Variants in ADARB2 observed in about 807,000 individuals in gnomAD.
ADARB2 encodes inactive double-stranded RNA-specific editase B2.
ADARB2 carries 25 observed loss-of-function variants against 62.2 expected under a neutral mutation model. The observed-to-expected ratio is 0.40, with a 90% confidence interval of 0.29 to 0.56. The LOEUF (loss-of-function observed/expected upper bound fraction) is 0.56, where lower values mean the gene tolerates loss of function less well. Ranked by LOEUF, ADARB2 falls within the 20% of genes least tolerant of loss-of-function variation. The pLI is 0.43. For synonymous variants in ADARB2, 572 were observed against 500.8 expected (o/e 1.14, Z -1.90); for missense variants, 1,071 against 1,077.4 (o/e 0.99, Z 0.08).
At chr10:1,374,520 G>C (rs1430253482) in intron 2 of ADARB2, among the ~76,000 whole-genome samples, 1 of 152,222 alleles carries the variant, frequency 6.6e-6, no homozygotes, top group Non-Finnish European at 1.5e-5. Flanking sequence ...AGTGGAAGCT[G>C]TTCCGGTTGT....
At chr10:1,666,214 C>G (rs1262332931) in intron 1 of ADARB2, among the ~76,000 whole-genome samples, 2 of 152,226 alleles carry the variant, frequency 1.3e-5, no homozygotes, top group African/African-American at 4.8e-5. Context: ...CCCGCTGGAG[C>G]AAGTGCCAGG....
At chr10:1,250,800 A>G (rs1351109465) in intron 4 of ADARB2, among the ~76,000 whole-genome samples, 3 of 152,224 alleles carry the variant, frequency 2.0e-5, no homozygotes, top group African/African-American at 7.2e-5. Context: ...AAAATTCTGA[A>G]AAAGAAGGCT....
intron 8 of ADARB2, chr10:1,187,862 A>T: frequency 2.3e-6 from 1 of 434,466 alleles, no homozygotes; most frequent in Non-Finnish European, 4.7e-6. Flanking sequence ...GTGTGGTCCC[A>T]TGTGTCCATA....
chr10:1,688,138 C>A (rs1834619258), intron 1 of ADARB2, among the ~76,000 whole-genome samples: 1 of 152,246 alleles, frequency 6.6e-6, no homozygotes, highest in South Asian at 2.1e-4. Context: ...AGTCACTGTG[C>A]TGATTCGTAT....
chr10:1,666,788 A>G (rs1486793991), intron 1 of ADARB2, among the ~76,000 whole-genome samples: 1 of 152,172 alleles, frequency 6.6e-6, no homozygotes, highest in Non-Finnish European at 1.5e-5. Context: ...AAAGACTCTG[A>G]GACTCGAGAT....
At chr10:1,487,458 G>T (rs1278389837) in intron 1 of ADARB2, among the ~76,000 whole-genome samples, 1 of 152,222 alleles carries the variant, frequency 6.6e-6, no homozygotes, top group African/African-American at 2.4e-5. Flanking sequence ...GGAGGTGCCT[G>T]CTGCTGAGTG....
At chr10:1,466,667 G>T (rs888616437) in intron 1 of ADARB2, among the ~76,000 whole-genome samples, 1 of 152,104 alleles carries the variant, frequency 6.6e-6, no homozygotes, top group African/African-American at 2.4e-5. Context: ...AGGCTCTGCC[G>T]TGGGGACTAA....
chr10:1,286,774 C>T lies in ADARB2; in HGVS notation c.1078-15705G>A, dbSNP rs193102917. On this transcript the variant is annotated intron_variant, in intron 3 of 9. Coordinates refer to ENST00000381312, the MANE Select transcript of ADARB2 (RefSeq NM_018702.4). ...ATGTACGCCTGCAGCATCCTGCACT[C>T]GTCTCTTCCGTAGGAACAGTGCTGG... Among the ~76,000 whole-genome samples, 102 of 152,230 alleles carry T rather than the reference C, an allele frequency of 6.7e-4. 1 individual carries two copies. The highest frequency in any genetic ancestry group is 6.1e-3 in the Admixed American group (93 of 15,298).
At chr10:1,688,394 C>T (rs1268070262) in intron 1 of ADARB2, among the ~76,000 whole-genome samples, 1 of 152,206 alleles carries the variant, frequency 6.6e-6, no homozygotes, top group African/African-American at 2.4e-5. Flanking sequence ...CATGTGGGTC[C>T]CATTCCAAGC....
rs1178065475 is a variant in ADARB2 at position 1,664,084 on chromosome 10, G to A, written c.100+72967C>T. On this transcript the variant is annotated intron_variant, in intron 1 of 9. Transcript: ENST00000381312. The stretch of plus-strand genomic sequence containing the variant: ...AGTTTCTGTGTGCCTGTGTTTTCAC[G>A]CCTGTGGGTCAGTGTGCGGGTTTGT... Among the ~76,000 whole-genome samples, 6 of 152,302 alleles carry A rather than the reference G, an allele frequency of 3.9e-5. No homozygotes were observed. The South Asian group carries it at 8.3e-4, about 21-fold the overall frequency.
chr10:1,362,105 C>A (rs1247873052), intron 3 of ADARB2, among the ~76,000 whole-genome samples: 6 of 152,170 alleles, frequency 3.9e-5, no homozygotes, highest in African/African-American at 9.7e-5. Context: ...GGTCTGGAGG[C>A]AGGAACATAA....
Position 1,181,494 on chromosome 10 carries a change from C to T in ADARB2, c.*1699G>A, listed in dbSNP as rs1386427299. The T allele has an allele frequency of 6.6e-6, 1 of 152,186 alleles. No homozygotes were observed. The highest frequency in any genetic ancestry group is 2.4e-5 in the African/African-American group (1 of 41,432). The allele number at this position is 152,186 out of a possible 1,614,324, so 9.4% of individuals were successfully genotyped here. On this transcript the variant is annotated 3_prime_UTR_variant, in exon 10 of 10. Coordinates refer to ENST00000381312, the MANE Select transcript of ADARB2 (RefSeq NM_018702.4). ...ACCTGTTTTCTTTTCTAAAAGAACT[C>T]GAGTGATAAATTTGGCCTGATTTTA...
chr10:1,573,620 C>T (rs1408784833), intron 1 of ADARB2, among the ~76,000 whole-genome samples: 1 of 152,208 alleles, frequency 6.6e-6, no homozygotes, highest in Non-Finnish European at 1.5e-5. Context: ...CCCAGGCGCA[C>T]TCTGCACCTC....
At chr10:1,395,555 G>C (rs1832604557) in intron 1 of ADARB2, among the ~76,000 whole-genome samples, 1 of 152,202 alleles carries the variant, frequency 6.6e-6, no homozygotes, top group African/African-American at 2.4e-5. Flanking sequence ...CTCCCCAGCG[G>C]GGCGTCTGCT....
chr10:1,431,943 T>G (rs1033685433), intron 1 of ADARB2, among the ~76,000 whole-genome samples: 2 of 152,208 alleles, frequency 1.3e-5, no homozygotes. Context: ...AGTGAACTCA[T>G]AATTTAAAAT....
At chr10:1,645,961 A>T (rs1018527094) in intron 1 of ADARB2, among the ~76,000 whole-genome samples, 1 of 152,170 alleles carries the variant, frequency 6.6e-6, no homozygotes, top group African/African-American at 2.4e-5. Flanking sequence ...GGTGGAGCTC[A>T]CCATCCTGCA....
At chr10:1,593,462 C>T (rs1398391692) in intron 1 of ADARB2, among the ~76,000 whole-genome samples, 1 of 152,264 alleles carries the variant, frequency 6.6e-6, no homozygotes, top group Non-Finnish European at 1.5e-5. Context: ...GTGCCCAATA[C>T]TCTTGAGTTT....
chr10:1,291,725 A>C (rs960809275), intron 3 of ADARB2: 1 of 152,184 alleles, frequency 6.6e-6, no homozygotes, highest in African/African-American at 2.4e-5. Context: ...ACAAACATGC[A>C]ACCAAGACGG....
chr10:1,735,878 G>T (rs1162840392), intron 1 of ADARB2, among the ~76,000 whole-genome samples: 1 of 152,192 alleles, frequency 6.6e-6, no homozygotes, highest in Non-Finnish European at 1.5e-5. Context: ...TATTGGAAGA[G>T]GCAATAAAGG....
Sources: gnomAD v4.1 joint callset for allele counts (sites outside exome capture counted in the v4.1 genomes callset) on GRCh38, gnomAD v4.1.1 for gene constraint, MANE v1.5 for transcripts, NCBI Gene and HGNC (gene_info 2026-07-23, HGNC 2026-07-21) for gene names.